GALNT16: variants seen among roughly 807,000 people sequenced by gnomAD.
The protein encoded by GALNT16 is UDP-GalNAc:polypeptide N-acetylgalactosaminyltransferase-like protein 1.
Under a neutral mutation model 76.1 loss-of-function variants are expected in GALNT16, and 40 were observed. That is an observed-to-expected ratio of 0.53 (90% CI 0.41 to 0.68). The LOEUF is 0.68. Ranked by LOEUF, GALNT16 falls within the 30% of genes least tolerant of loss-of-function variation. GALNT16 has a pLI of 0.00. For missense variants in GALNT16, 621 were observed against 731.9 expected (o/e 0.85, Z 1.75); for synonymous variants, 276 against 285.2 (o/e 0.97, Z 0.32).
At chr14:69,281,546 C>T (rs895065921) in intron 1 of GALNT16, among the ~76,000 whole-genome samples, 2 of 152,162 alleles carry the variant, frequency 1.3e-5, no homozygotes, top group African/African-American at 4.8e-5. Flanking sequence ...CTTGTCTGCC[C>T]TCCCCGCTTT....
intron 14 of GALNT16, chr14:69,348,268 G>T: frequency 1.7e-6 from 1 of 583,350 alleles, no homozygotes; most frequent in Non-Finnish European, 3.0e-6. Flanking sequence ...TGTTAACACT[G>T]TATCCCTAGC....
intron 3 of GALNT16, 22 bp downstream of exon 3, chr14:69,324,812 T>C: frequency 1.3e-6 from 2 of 1,489,708 alleles, no homozygotes; most frequent in African/African-American, 1.4e-5. Flanking sequence ...CATGGGACTC[T>C]CATCTCAGTG....
At chr14:69,269,376 C>T (rs945783910) in intron 1 of GALNT16, among the ~76,000 whole-genome samples, 1 of 70,958 alleles carries the variant, frequency 1.4e-5, no homozygotes, top group Non-Finnish European at 2.3e-5. Context: ...ATATATGGGG[C>T]GCACGTGTGT....
chr14:69,269,826 A>G (rs1451347094), intron 1 of GALNT16, among the ~76,000 whole-genome samples: 9 of 144,556 alleles, frequency 6.2e-5, no homozygotes, highest in Admixed American at 4.0e-4. Context: ...GTGTGTGTGT[A>G]TGATGTATGT....
At chr14:69,299,669 A>G (rs1046595717) in intron 1 of GALNT16, among the ~76,000 whole-genome samples, 10 of 152,064 alleles carry the variant, frequency 6.6e-5, no homozygotes, top group Non-Finnish European at 1.3e-4. Context: ...CATCTTGCTC[A>G]CTGTGGGGAG....
At chr14:69,360,359 GAA>G (rs58375781), downstream of GALNT16, among the ~76,000 whole-genome samples, 965 of 132,084 alleles carry the variant, frequency 7.3e-3, 3 homozygotes, top group Non-Finnish European at 0.012. Flanking sequence ...ATCTCAAAAA[GAA>G]AAAAAAAAAA....
chr14:69,331,363 G>C (rs1007184314), intron 6 of GALNT16, 101 bp from the exon 7 acceptor site: 1 of 735,890 alleles, frequency 1.4e-6, no homozygotes, highest in Non-Finnish European at 2.5e-6. Flanking sequence ...GAAGTGCTGA[G>C]TGCCCCATGT....
intron 1 of GALNT16, among the ~76,000 whole-genome samples, chr14:69,271,471 C>T (rs112058192): frequency 0.014 from 2,170 of 152,226 alleles, 48 homozygotes; most frequent in African/African-American, 0.049. Context: ...CTGGGATCCC[C>T]GAAGCCAAGC....
In GALNT16 at chr14:69,322,980, GTGCGCGCGCACGCGCGCACGCATGCA is replaced by G. The variant is rs2045221300; in HGVS notation, c.336-1711_336-1686del. ...TGTGTGTGTGTGTGTGTGTGTGTGT[GTGCGCGCGCACGCGCGCACGCATGCA>G]CACGTGTAGGGAAGCAAAGGACGTG... On this transcript the variant is annotated intron_variant, in intron 2 of 14. Coordinates refer to ENST00000448469, the MANE Select transcript of GALNT16 (RefSeq NM_001168368.2). Among the ~76,000 whole-genome samples the G allele has an allele frequency of 1.6e-4, 6 of 37,232 alleles. No individual in the cohort carries two copies. The South Asian group carries it at 7.3e-3, about 45-fold the overall frequency. The allele number at this position is 37,232 out of a possible 152,430, so 24.4% of individuals were successfully genotyped here. A position where few individuals can be genotyped will look rare whatever the true frequency, so the allele number is the denominator to read the frequency against.
chr14:69,315,760 C>G (rs1192683245), intron 1 of GALNT16, among the ~76,000 whole-genome samples: 1 of 151,960 alleles, frequency 6.6e-6, no homozygotes, highest in Non-Finnish European at 1.5e-5. Flanking sequence ...GGACTGATAT[C>G]TCTGAACTTT....
Position 69,331,518 on chromosome 14 carries a change from G to T in GALNT16, c.745G>T (p.Ala249Ser), listed in dbSNP as rs754175436. 3 of 1,610,758 alleles carry T rather than the reference G, an allele frequency of 1.9e-6. No homozygotes were observed. Among genetic ancestry groups the T allele is most frequent in the African/African-American group, 1.3e-5 (1 of 74,966 alleles). Residue 249 changes from alanine (A) to serine (S), a missense_variant, in exon 7 of 15, where the codon GCC becomes TCC. Coordinates refer to ENST00000448469, the MANE Select transcript of GALNT16 (RefSeq NM_001168368.2). ...IIDVISLDNF[A>S]YLAASADLRG... ...TGATGTCATCAGTCTGGATAATTTT[G>T]CCTACCTTGCAGCATCTGCTGACCT...
At chr14:69,343,586 G>C (rs967986940) in intron 12 of GALNT16, among the ~76,000 whole-genome samples, 1 of 152,186 alleles carries the variant, frequency 6.6e-6, no homozygotes, top group Non-Finnish European at 1.5e-5. Flanking sequence ...TCACTTCTAG[G>C]GGACAGTGTT....
At chr14:69,355,385 C>T (rs1362679000), downstream of GALNT16, 1 of 152,462 alleles carries the variant, frequency 6.6e-6, no homozygotes, top group African/African-American at 2.4e-5. Flanking sequence ...ATCCACCCCT[C>T]CGTCCTCTCA....
At chr14:69,262,368 CAA>C (rs2140093958) in intron 1 of GALNT16, among the ~76,000 whole-genome samples, 1 of 152,330 alleles carries the variant, frequency 6.6e-6, no homozygotes, top group South Asian at 2.1e-4. Flanking sequence ...TCACATTTCT[CAA>C]GAGTCCCAGA....
At position 69,271,543 on chromosome 14, in the gene GALNT16, A is replaced by T. The variant is rs536082984; in HGVS notation, c.177+11076A>T. Among the ~76,000 whole-genome samples, 12 of 152,364 alleles carry T rather than the reference A, an allele frequency of 7.9e-5. No homozygotes were observed. In the South Asian group the frequency reaches 2.5e-3, roughly 32 times the overall value. ...CCCAAGGCTGGGGAGAGCCCTCCTC[A>T]TCACAGGGTCCAGACTGTGCTCACC... On this transcript the variant is annotated intron_variant, in intron 1 of 14. Coordinates refer to ENST00000448469, the MANE Select transcript of GALNT16 (RefSeq NM_001168368.2).
At chr14:69,371,631 T>C in the GALNT16 span, among the ~76,000 whole-genome samples, 2 of 152,004 alleles carry the variant, frequency 1.3e-5, no homozygotes, top group Non-Finnish European at 2.9e-5. Context: ...TGCAAAACTC[T>C]TAAGAGTTTG....
the GALNT16 span, among the ~76,000 whole-genome samples, chr14:69,374,381 G>T: frequency 6.6e-6 from 1 of 152,132 alleles, no homozygotes; most frequent in Non-Finnish European, 1.5e-5. Flanking sequence ...GATCATTCTT[G>T]TTCATCTTTG....
intron 1 of GALNT16, among the ~76,000 whole-genome samples, chr14:69,282,297 C>T (rs1390104224): frequency 1.3e-5 from 2 of 152,304 alleles, no homozygotes; most frequent in South Asian, 2.1e-4. Flanking sequence ...CGACTTTCCT[C>T]ATCTCCTATT....
chr14:69,341,889 T>C (rs943784726), intron 12 of GALNT16, 125 bp downstream of exon 12: 1 of 676,588 alleles, frequency 1.5e-6, no homozygotes, highest in Non-Finnish European at 2.7e-6. Flanking sequence ...AGCTGCCGGG[T>C]TTTATCTTCA....
Sources: gnomAD v4.1 joint callset for allele counts (sites outside exome capture counted in the v4.1 genomes callset) on GRCh38, gnomAD v4.1.1 for gene constraint, MANE v1.5 for transcripts, NCBI Gene and HGNC (gene_info 2026-07-23, HGNC 2026-07-21) for gene names.